OCA2: variants seen among roughly 807,000 people sequenced by gnomAD.
OCA2 encodes OCA2 melanosomal transmembrane protein.
In OCA2, 77 loss-of-function variants were observed where a neutral mutation model predicts 100.2. The observed-to-expected ratio is 0.77, with a 90% confidence interval of 0.64 to 0.93. The LOEUF (loss-of-function observed/expected upper bound fraction) is 0.93, where lower values mean the gene tolerates loss of function less well. Ranked by LOEUF, OCA2 falls within the 40% of genes least tolerant of loss-of-function variation. The pLI is 0.00. For missense variants in OCA2, 1,062 were observed against 1,089.1 expected (o/e 0.98, Z 0.35); for synonymous variants, 432 against 439.2 (o/e 0.98, Z 0.21).
the OCA2 span, among the ~76,000 whole-genome samples, chr15:27,719,808 C>G: frequency 2.6e-5 from 4 of 152,252 alleles, no homozygotes; most frequent in South Asian, 8.3e-4. Context: ...CCCATCTGCT[C>G]AGCTCCTGGT....
chr15:27,896,131 A>G, intron 19 of OCA2: 2 of 1,020,712 alleles, frequency 2.0e-6, no homozygotes, highest in Non-Finnish European at 3.0e-6. Context: ...TGCTATATGG[A>G]TGCAGGCCTT....
At chr15:27,743,970 A>C in the OCA2 span, among the ~76,000 whole-genome samples, 1 of 152,126 alleles carries the variant, frequency 6.6e-6, no homozygotes, top group Middle Eastern at 3.4e-3. Flanking sequence ...CTTCCCTGTA[A>C]CCCATATCCC....
At chr15:27,789,408 T>A (rs1280395015) in intron 23 of OCA2, among the ~76,000 whole-genome samples, 1 of 152,208 alleles carries the variant, frequency 6.6e-6, no homozygotes, top group Non-Finnish European at 1.5e-5. Context: ...TGAGTTTGTA[T>A]CTTCGTTTCA....
chr15:28,071,188 A>AAAATG (rs1555389499), intron 2 of OCA2, among the ~76,000 whole-genome samples: 7 of 149,150 alleles, frequency 4.7e-5, no homozygotes, highest in East Asian at 4.0e-4. Context: ...AAAAAAAAGA[A>AAAATG]AAACACCTAG....
Position 27,849,139 on chromosome 15 carries a change from G to A in OCA2, c.2338+2243C>T, listed in dbSNP as rs369903940. 7.5e-3 allele frequency among the ~76,000 whole-genome samples: 873 copies of A among 116,086 alleles called. 64 individuals carry two copies. Among genetic ancestry groups the A allele is most frequent in the African/African-American group, 0.025 (601 of 24,282 alleles). The allele number at this position is 116,086 out of a possible 152,430, so 76.2% of individuals were successfully genotyped here. A position where few individuals can be genotyped will look rare whatever the true frequency, so the allele number is the denominator to read the frequency against. ...CTAAACACAGCCACGTGCTGCCTGG[G>A]TTGGTGTGAACACAGCCACATGCTG... On this transcript the variant is annotated intron_variant, in intron 22 of 23. Transcript: ENST00000354638.
intron 19 of OCA2, among the ~76,000 whole-genome samples, chr15:27,919,517 T>A (rs1254636164): frequency 6.6e-6 from 1 of 152,094 alleles, no homozygotes; most frequent in Admixed American, 6.6e-5. Flanking sequence ...AAGAGGCCAA[T>A]GTGAAAAGAC....
At chr15:27,944,373 C>T (rs1182433564) in intron 18 of OCA2, among the ~76,000 whole-genome samples, 1 of 152,154 alleles carries the variant, frequency 6.6e-6, no homozygotes, top group African/African-American at 2.4e-5. Context: ...AGCCCTTCCC[C>T]AAAACTCAAT....
chr15:27,782,544 C>T (rs2032597080), intron 23 of OCA2, among the ~76,000 whole-genome samples: 1 of 152,208 alleles, frequency 6.6e-6, no homozygotes. Flanking sequence ...GCTTATTTTA[C>T]TGGCAGTCAT....
At chr15:27,877,225 G>C (rs1375886324) in intron 19 of OCA2, among the ~76,000 whole-genome samples, 1 of 151,928 alleles carries the variant, frequency 6.6e-6, no homozygotes, top group Non-Finnish European at 1.5e-5. Flanking sequence ...GTTGTGGTCA[G>C]AGTATATAAT....
Position 28,087,978 on chromosome 15 carries a change from T to C in OCA2, c.-21-6083A>G, listed in dbSNP as rs139067108. Among the ~76,000 whole-genome samples, 700 of 151,818 alleles carry C rather than the reference T, an allele frequency of 4.6e-3. 1 individual carries two copies. The highest frequency in any genetic ancestry group is 0.016 in the African/African-American group (666 of 41,374). ...TTGGGAGGCTGAGGCAGGATAATCA[T>C]TTGAACCCAGAAGGCAGAGGTTGCA... On this transcript the variant is annotated intron_variant, in intron 1 of 23. Coordinates refer to ENST00000354638, the MANE Select transcript of OCA2 (RefSeq NM_000275.3).
the OCA2 span, among the ~76,000 whole-genome samples, chr15:27,748,344 A>G: frequency 6.6e-6 from 1 of 152,140 alleles, no homozygotes; most frequent in Non-Finnish European, 1.5e-5. Context: ...AGCAAGTCAG[A>G]AGATCCCATC....
At chr15:27,726,762 T>C in the OCA2 span, among the ~76,000 whole-genome samples, 1 of 152,190 alleles carries the variant, frequency 6.6e-6, no homozygotes, top group East Asian at 1.9e-4. Context: ...TAAAATAAAA[T>C]AAAATAAAAA....
intron 19 of OCA2, among the ~76,000 whole-genome samples, chr15:27,914,628 T>C (rs1300422580): frequency 6.6e-6 from 1 of 151,928 alleles, no homozygotes; most frequent in Non-Finnish European, 1.5e-5. Flanking sequence ...ATACAAAAAA[T>C]ACAATACCTA....
chr15:27,830,459 G>A (rs1348585436), intron 23 of OCA2, among the ~76,000 whole-genome samples: 1 of 152,126 alleles, frequency 6.6e-6, no homozygotes, highest in Non-Finnish European at 1.5e-5. Context: ...TAATAGGATA[G>A]AAAAGGAGTA....
intron 19 of OCA2, among the ~76,000 whole-genome samples, chr15:27,874,028 G>A (rs762853117): frequency 2.0e-5 from 3 of 151,932 alleles, no homozygotes; most frequent in Non-Finnish European, 4.4e-5. Flanking sequence ...CAGAAATGCT[G>A]ATTCAGCAAT....
At position 28,043,538 on chromosome 15, in the gene OCA2, C is replaced by A. The variant is rs1308583730; in HGVS notation, c.228-11375G>T. Among the ~76,000 whole-genome samples, 1 of 152,176 alleles carries A rather than the reference C, an allele frequency of 6.6e-6. No individual in the cohort carries two copies. The highest frequency in any genetic ancestry group is 1.5e-5 in the Non-Finnish European group (1 of 68,026). ...AAGTAATTCCTCAGACATAAGGATG[C>A]AATCCTTCCTTTTCAAAGCAAACGG... On this transcript the variant is annotated intron_variant, in intron 2 of 23. Coordinates refer to ENST00000354638, the MANE Select transcript of OCA2 (RefSeq NM_000275.3). This position sits in a 1 kb window ranked among gnomAD's most constrained non-coding sequence, Gnocchi z 4.4.
At chr15:27,864,135 G>A (rs1050832860) in intron 21 of OCA2, among the ~76,000 whole-genome samples, 6 of 152,106 alleles carry the variant, frequency 3.9e-5, no homozygotes, top group Non-Finnish European at 8.8e-5. Flanking sequence ...GGGCAGACTT[G>A]TAACCCACAC....
intron 23 of OCA2, among the ~76,000 whole-genome samples, chr15:27,804,994 T>C (rs915946292): frequency 6.6e-6 from 1 of 152,224 alleles, no homozygotes; most frequent in African/African-American, 2.4e-5. Flanking sequence ...ACACAGCCAC[T>C]AACCACCGAG....
chr15:27,788,799 A>G (rs2032942069), intron 23 of OCA2, among the ~76,000 whole-genome samples: 1 of 151,522 alleles, frequency 6.6e-6, no homozygotes, highest in African/African-American at 2.4e-5. Context: ...TCTTTTTACT[A>G]CTTTCACTTA....
Sources: gnomAD v4.1 joint callset for allele counts (sites outside exome capture counted in the v4.1 genomes callset) on GRCh38, gnomAD v4.1.1 for gene constraint, Gnocchi (gnomAD v3.1) non-coding constraint, MANE v1.5 for transcripts, NCBI Gene and HGNC (gene_info 2026-07-23, HGNC 2026-07-21) for gene names.